METTL8: variants seen among roughly 807,000 people sequenced by gnomAD.
METTL8 encodes the protein methyltransferase 8, tRNA N3-cytidine, also known as tRNA N(3)-cytidine methyltransferase METTL8, mitochondrial.
In METTL8, 32 loss-of-function variants were observed where a neutral mutation model predicts 48.7. The ratio of observed to expected loss-of-function variants is 0.66; its 90% confidence interval spans 0.50 to 0.88. The LOEUF (loss-of-function observed/expected upper bound fraction) is 0.88, where lower values mean the gene tolerates loss of function less well. Ranked by LOEUF, METTL8 falls within the 40% of genes least tolerant of loss-of-function variation. METTL8 has a pLI of 0.00. For missense variants in METTL8, 464 were observed against 474.4 expected (o/e 0.98, Z 0.20); for synonymous variants, 136 against 157.1 (o/e 0.87, Z 1.01).
chr2:171,385,587 A>C (rs903656820), intron 2 of METTL8, among the ~76,000 whole-genome samples: 4 of 152,214 alleles, frequency 2.6e-5, no homozygotes, highest in African/African-American at 9.6e-5. Flanking sequence ...CTGCTCTTAC[A>C]GTATGTATCT....
chr2:171,372,375 G>C (rs1686451284), intron 2 of METTL8, among the ~76,000 whole-genome samples: 1 of 151,832 alleles, frequency 6.6e-6, no homozygotes, highest in Non-Finnish European at 1.5e-5. Context: ...TCCCATCTCT[G>C]ATGTAAATAC....
intron 1 of METTL8, among the ~76,000 whole-genome samples, chr2:171,430,288 G>T (rs1450069279): frequency 6.6e-6 from 1 of 151,872 alleles, no homozygotes; most frequent in East Asian, 1.9e-4. Context: ...AACCTGGGAG[G>T]TGGAGGCTGC....
At chr2:171,431,141 C>T (rs185461602) in intron 1 of METTL8, among the ~76,000 whole-genome samples, 6 of 152,310 alleles carry the variant, frequency 3.9e-5, no homozygotes, top group Admixed American at 6.5e-5. Context: ...GAACCTACGA[C>T]GTGCCCCAAA....
At chr2:171,397,310 G>A (rs1387961158) in intron 1 of METTL8, among the ~76,000 whole-genome samples, 1 of 114,036 alleles carries the variant, frequency 8.8e-6, no homozygotes, top group Non-Finnish European at 1.7e-5. Flanking sequence ...TTGAGGCCAA[G>A]ACTTTGAGAC....
Position 171,375,188 on chromosome 2 carries a change from G to A in METTL8, c.144-14675C>T, listed in dbSNP as rs1686826725. 4.2e-6 allele frequency: 6 copies of A among 1,422,498 alleles called. No individual in the cohort carries two copies. The Admixed American group carries it at 1.0e-4, about 24-fold the overall frequency. The allele number at this position is 1,422,498 out of a possible 1,614,324, so 88.1% of individuals were successfully genotyped here. On this transcript the variant is annotated intron_variant, in intron 2 of 9. Transcript: ENST00000375258. ...AATTTCTTAATGGCCTTGTCCTTGG[G>A]CACGCATCGGGTACAGTTAGTGCAG...
intron 3 of METTL8, among the ~76,000 whole-genome samples, chr2:171,350,107 C>T (rs1683727132): frequency 6.6e-6 from 1 of 152,140 alleles, no homozygotes; most frequent in Non-Finnish European, 1.5e-5. Context: ...TGCTATCCCT[C>T]CCCACTCCCG....
At chr2:171,430,465 C>T (rs865991111) in intron 1 of METTL8, among the ~76,000 whole-genome samples, 5 of 152,056 alleles carry the variant, frequency 3.3e-5, no homozygotes, top group South Asian at 2.1e-4. Flanking sequence ...CAGCAAATCA[C>T]GATGGCACAT....
intron 1 of METTL8, among the ~76,000 whole-genome samples, chr2:171,415,591 C>A (rs1691234676): frequency 6.6e-6 from 1 of 151,960 alleles, no homozygotes; most frequent in Non-Finnish European, 1.5e-5. Context: ...ACCTTGTGAT[C>A]CACCCGCCTT....
intron 1 of METTL8, among the ~76,000 whole-genome samples, chr2:171,405,546 A>T (rs771546634): frequency 6.6e-6 from 1 of 152,234 alleles, no homozygotes; most frequent in Non-Finnish European, 1.5e-5. Context: ...GATGACTGAC[A>T]GGCAGAGGAG....
intron 1 of METTL8, among the ~76,000 whole-genome samples, chr2:171,409,407 T>G (rs887968417): frequency 1.5e-4 from 23 of 152,186 alleles, no homozygotes; most frequent in Admixed American, 1.4e-3. Context: ...ATAAAATTAA[T>G]AAATAATTAC....
At chr2:171,402,848 A>G (rs1484541350) in intron 1 of METTL8, among the ~76,000 whole-genome samples, 2 of 152,114 alleles carry the variant, frequency 1.3e-5, no homozygotes, top group African/African-American at 2.4e-5. Context: ...CACCCGAAAA[A>G]CCAAAAAAAC....
rs1163950157 is a variant in METTL8, at chr2:171,324,120, A to G, written c.*52T>C. ...TTTTGAGAAACAATAGACTTACAGT[A>G]GTCCTTGAATAGCACAGTCCTCTGG... On this transcript the variant is annotated 3_prime_UTR_variant, in exon 10 of 10. Coordinates refer to ENST00000375258, the MANE Select transcript of METTL8 (RefSeq NM_001321154.2). 2.4e-6 allele frequency: 3 copies of G among 1,234,684 alleles called. No individual in the cohort carries two copies. In the Admixed American group the frequency reaches 7.8e-5, roughly 32 times the overall value. 76.5% of individuals were successfully genotyped at this position (1,234,684 alleles called of 1,614,324 possible). A position where few individuals can be genotyped will look rare whatever the true frequency, so the allele number is the denominator to read the frequency against.
In METTL8 at chr2:171,323,037, G is replaced by A. The variant is rs1684610347; in HGVS notation, c.*1135C>T. On this transcript the variant is annotated 3_prime_UTR_variant, in exon 10 of 10. Transcript: ENST00000375258. ...TTGGCCGGCTTCTTCACTGCAACCT[G>A]TTTTATCAGCAAGGTCTGTATGACC... is the stretch of plus-strand genomic sequence containing the variant. 6.6e-6 allele frequency: 1 copy of A among 152,066 alleles called. No homozygotes were observed. The highest frequency in any genetic ancestry group is 1.5e-5 in the Non-Finnish European group (1 of 68,024). The allele number at this position is 152,066 out of a possible 1,614,324, so 9.4% of individuals were successfully genotyped here.
chr2:171,402,382 G>A (rs2105595968), intron 1 of METTL8, among the ~76,000 whole-genome samples: 1 of 152,258 alleles, frequency 6.6e-6, no homozygotes, highest in Non-Finnish European at 1.5e-5. Flanking sequence ...TCTGAAATCA[G>A]TATACAAGGA....
intron 2 of METTL8, among the ~76,000 whole-genome samples, chr2:171,385,590 A>G (rs908065042): frequency 2.6e-5 from 4 of 152,234 alleles, no homozygotes; most frequent in Non-Finnish European, 5.9e-5. Context: ...CTCTTACAGT[A>G]TGTATCTGTG....
At chr2:171,433,664 G>C (rs143281019) in intron 1 of METTL8, among the ~76,000 whole-genome samples, 1 of 152,296 alleles carries the variant, frequency 6.6e-6, no homozygotes, top group African/African-American at 2.4e-5. Flanking sequence ...AAAGAAAAAA[G>C]AATGGAGGCG....
intron 2 of METTL8, among the ~76,000 whole-genome samples, chr2:171,373,158 T>A (rs953134743): frequency 1.5e-4 from 23 of 152,212 alleles, no homozygotes; most frequent in African/African-American, 5.3e-4. Flanking sequence ...GTTTCCTGAC[T>A]TTTTAATGAT....
At chr2:171,363,082 A>T (rs1685329661) in intron 2 of METTL8, among the ~76,000 whole-genome samples, 1 of 152,172 alleles carries the variant, frequency 6.6e-6, no homozygotes, top group African/African-American at 2.4e-5. Flanking sequence ...TTAAGCTTTT[A>T]GTTTAACTTG....
intron 3 of METTL8, among the ~76,000 whole-genome samples, chr2:171,351,115 T>C (rs1683865345): frequency 6.6e-6 from 1 of 152,258 alleles, no homozygotes; most frequent in African/African-American, 2.4e-5. Flanking sequence ...TTTAAGTCTT[T>C]AATCCATCTT....
Sources: gnomAD v4.1 joint callset for allele counts (sites outside exome capture counted in the v4.1 genomes callset) on GRCh38, gnomAD v4.1.1 for gene constraint, MANE v1.5 for transcripts, NCBI Gene and HGNC (gene_info 2026-07-23, HGNC 2026-07-21) for gene names.